NR2F2: variants seen among roughly 807,000 people sequenced by gnomAD.
NR2F2 encodes nuclear receptor subfamily 2 group F member 2, also known as COUP transcription factor 2.
In NR2F2, 2 loss-of-function variants were observed where a neutral mutation model predicts 34.8. That is an observed-to-expected ratio of 0.06 (90% confidence interval 0.02 to 0.18). NR2F2 has a LOEUF of 0.18. Ranked by LOEUF, NR2F2 falls within the 10% of genes least tolerant of loss-of-function variation. NR2F2 has a pLI of 1.00. For missense variants in NR2F2, 300 were observed against 580.1 expected, an observed-to-expected ratio of 0.52 and a Z score of 4.96; for synonymous variants, 274 against 251.8, an observed-to-expected ratio of 1.09 and a Z score of -0.84.
rs373488143 is a variant in NR2F2, at chr15:96,334,621, C to A, written c.970+18C>A. 317 of 1,569,428 alleles carry A rather than the reference C, an allele frequency of 2.0e-4. 1 individual carries two copies. Among genetic ancestry groups the A allele is most frequent in the Middle Eastern group, 6.9e-4 (4 of 5,838 alleles). ...CACCTCAGGTAGGAAGGAGCCCTGT[C>A]TTCTCGTGCCCACGGGCTCCTAGCC... On this transcript the variant is annotated intron_variant, in intron 2 of 2. Transcript: ENST00000394166.
rs1334487125 is a variant in NR2F2, at chr15:96,331,142, C to T, written c.-964C>T. ...CGGCGCTAGACGCAGCGGCTCCGGGCCCGACCCGGCGGCTTCGGCGGCGGC... is the reference window on the plus strand; with the variant it reads ...CGGCGCTAGACGCAGCGGCTCCGGGTCCGACCCGGCGGCTTCGGCGGCGGC... On this transcript the variant is annotated 5_prime_UTR_variant, in exon 1 of 3. Transcript: ENST00000394166. 1 of 1,080,996 alleles carries T rather than the reference C, an allele frequency of 9.3e-7. No homozygotes were observed. Among genetic ancestry groups the T allele is most frequent in the Non-Finnish European group, 1.1e-6 (1 of 885,756 alleles). 67.0% of individuals were successfully genotyped at this position (1,080,996 alleles called of 1,614,324 possible). A position where few individuals can be genotyped will look rare whatever the true frequency, so the allele number is the denominator to read the frequency against.
intron 2 of NR2F2, among the ~76,000 whole-genome samples, chr15:96,336,453 G>A (rs188811718): frequency 7.2e-5 from 11 of 152,204 alleles, no homozygotes; most frequent in Admixed American, 5.2e-4. Context: ...GGAGATTTTC[G>A]AATATCTGTT....
chr15:96,326,412 C>T (rs1898986673), upstream of NR2F2: 2 of 1,436,054 alleles, frequency 1.4e-6, no homozygotes, highest in Non-Finnish European at 2.0e-6. The surrounding 1 kb of genome is among the most constrained non-coding windows in gnomAD (Gnocchi z 5.5). Context: ...TCTGCTTGTG[C>T]TGTGTGGGGT....
At position 96,334,614 on chromosome 15, in the gene NR2F2, G is replaced by A. The variant is rs753513812; in HGVS notation, c.970+11G>A. On this transcript the variant is annotated intron_variant, in intron 2 of 2. Coordinates refer to ENST00000394166, the MANE Select transcript of NR2F2 (RefSeq NM_021005.4). ...TCCTGTTCACCTCAGGTAGGAAGGA[G>A]CCCTGTCTTCTCGTGCCCACGGGCT... is the stretch of plus-strand genomic sequence containing the variant. 48 of 1,577,118 alleles carry A rather than the reference G, an allele frequency of 3.0e-5. No individual in the cohort carries two copies. Among genetic ancestry groups the A allele is most frequent in the Non-Finnish European group, 3.7e-5 (43 of 1,158,196 alleles).
At chr15:96,337,224 G>C in intron 2 of NR2F2, 124 bp from the exon 3 acceptor site, 1 of 1,139,170 alleles carries the variant, frequency 8.8e-7, no homozygotes, top group African/African-American at 1.6e-5. Context: ...CAGTTTGACA[G>C]AGCTCTGTGC....
rs1286129184 is a variant in NR2F2, at chr15:96,334,471, A to T, written c.838A>T (p.Met280Leu). 1 of 1,613,944 alleles carries T rather than the reference A, an allele frequency of 6.2e-7. No homozygotes were observed. Among genetic ancestry groups the T allele is most frequent in the Non-Finnish European group, 8.5e-7 (1 of 1,179,994 alleles). The change falls in exon 2 of 3, where the codon ATG becomes TTG. Residue 280 changes from methionine to leucine, a missense_variant. Met to Leu is a conservative substitution (Grantham distance 15). This residue lies in a region of NR2F2 where 164 missense variants were observed against 365.3 expected (regional missense o/e 0.45). Coordinates refer to ENST00000394166, the MANE Select transcript of NR2F2 (RefSeq NM_021005.4). ...CGCCGCCGGCCTGCATGCTTCGCCC[A>T]TGTCCGCCGACCGGGTGGTCGCCTT... is the stretch of plus-strand genomic sequence containing the variant. ...LAAAGLHASP[M>L]SADRVVAFMD...
At chr15:96,337,091 T>G (rs1899349020) in intron 2 of NR2F2, among the ~76,000 whole-genome samples, 2 of 152,166 alleles carry the variant, frequency 1.3e-5, no homozygotes, top group South Asian at 2.1e-4. Flanking sequence ...TGTAGCACAC[T>G]GAGCTATGTT....
rs1209428075 is a variant in NR2F2 at position 96,339,633 on chromosome 15, G to GTT, written c.*2011_*2012insTT. On this transcript the variant is annotated 3_prime_UTR_variant, in exon 3 of 3. Coordinates refer to ENST00000394166, the MANE Select transcript of NR2F2 (RefSeq NM_021005.4). ...AAGCCAAATTAAGGAAGAGAAAGCA[G>GTT]GACAGAGAAAAAGAAAGAAGGAAGG... 9 of 152,228 alleles carry GTT rather than the reference G, an allele frequency of 5.9e-5. No homozygotes were observed. In the South Asian group the frequency reaches 1.9e-3, roughly 32 times the overall value. The allele number at this position is 152,228 out of a possible 1,614,324, so 9.4% of individuals were successfully genotyped here.
At chr15:96,333,923 G>A (rs1317739577) in intron 1 of NR2F2, 153 bp from the exon 2 acceptor site, 1 of 1,472,742 alleles carries the variant, frequency 6.8e-7, no homozygotes, top group African/African-American at 1.4e-5. Flanking sequence ...GGTGCCAAGA[G>A]CCTGGCGACT....
rs34678417 is a variant in NR2F2, at chr15:96,337,775, CA to C, written c.*168del. 68,569 of 201,548 alleles carry C rather than the reference CA, an allele frequency of 0.34. 3,925 individuals are homozygous for C. Among genetic ancestry groups the C allele is most frequent in the East Asian group, 0.5 (6,980 of 13,836 alleles). 12.5% of individuals were successfully genotyped at this position (201,548 alleles called of 1,614,324 possible). On this transcript the variant is annotated 3_prime_UTR_variant, in exon 3 of 3. Coordinates refer to ENST00000394166, the MANE Select transcript of NR2F2 (RefSeq NM_021005.4). ...GAAGAATTTAATGGACTGTGAATTT[CA>C]AAAAAAAAAAAAAAGACTGTCAAAT...
At chr15:96,333,203 G>T in intron 1 of NR2F2, 1 of 306,284 alleles carries the variant, frequency 3.3e-6, no homozygotes, top group Non-Finnish European at 5.2e-6. Context: ...TGCGCGAGTT[G>T]GGTCTTTGTG....
Position 96,337,520 on chromosome 15 carries a change from G to T in NR2F2, c.1143G>T (p.Leu381Phe). The T allele has an allele frequency of 6.2e-7, 1 of 1,614,014 alleles. No individual in the cohort carries two copies. The highest frequency in any genetic ancestry group is 8.5e-7 in the Non-Finnish European group (1 of 1,180,014). Residue 381 changes from leucine (L) to phenylalanine (F), a missense_variant, in exon 3 of 3, where the codon TTG becomes TTT. Physicochemically the swap from Leu to Phe is conservative, Grantham distance 22. Around this residue, in one of 6 missense-constraint regions of NR2F2, gnomAD observed 164 missense variants for 365.3 expected, o/e 0.45. Transcript: ENST00000394166. Reference sequence around the variant, plus strand: ...TCTCCTCCTCAGTCATAGAGCAATTGTTTTTCGTCCGTTTGGTAGGTAAAA... The same window carrying T: ...TCTCCTCCTCAGTCATAGAGCAATTTTTTTTCGTCCGTTTGGTAGGTAAAA... The part of the protein sequence containing the change: ...RTVSSSVIEQ[L>F]FFVRLVGKTP...
In NR2F2 at chr15:96,331,060, C is replaced by T; in HGVS notation, c.-1046C>T. 1 of 1,241,124 alleles carries T rather than the reference C, an allele frequency of 8.1e-7. No homozygotes were observed. The highest frequency in any genetic ancestry group is 1.0e-6 in the Non-Finnish European group (1 of 996,794). The allele number at this position is 1,241,124 out of a possible 1,614,324, so 76.9% of individuals were successfully genotyped here. A position where few individuals can be genotyped will look rare whatever the true frequency, so the allele number is the denominator to read the frequency against. On this transcript the variant is annotated 5_prime_UTR_variant, in exon 1 of 3. It introduces an in-frame stop codon into an upstream open reading frame of the 5' UTR. Coordinates refer to ENST00000394166, the MANE Select transcript of NR2F2 (RefSeq NM_021005.4). ...GTGTGTGAGGCGGCGGCGGCAGCAGCAGCAGCAGCGGCTCCGGCGGCGGCA... is the reference window on the plus strand; with the variant it reads ...GTGTGTGAGGCGGCGGCGGCAGCAGTAGCAGCAGCGGCTCCGGCGGCGGCA...
chr15:96,337,896 C>G lies in NR2F2; in HGVS notation c.*274C>G, dbSNP rs1899383866. ...ATTTTTGTATAAAAAGGAAATTAGT[C>G]TTTTTCTTTTTTTGGTAAATTTTTG... On this transcript the variant is annotated 3_prime_UTR_variant, in exon 3 of 3. Transcript: ENST00000394166. 3.4e-6 allele frequency: 1 copy of G among 293,940 alleles called. No individual in the cohort carries two copies. The highest frequency in any genetic ancestry group is 4.8e-5 in the Admixed American group (1 of 20,750). The allele number at this position is 293,940 out of a possible 1,614,324, so 18.2% of individuals were successfully genotyped here.
chr15:96,333,136 A>T (rs1214183293), intron 1 of NR2F2: 1 of 171,650 alleles, frequency 5.8e-6, no homozygotes, highest in Non-Finnish European at 1.4e-5. Flanking sequence ...AAACGAAGAG[A>T]GCGCGATAGG....
intron 1 of NR2F2, 152 bp from the exon 2 acceptor site, chr15:96,333,924 C>T (rs1899238404): frequency 6.8e-7 from 1 of 1,473,422 alleles, no homozygotes; most frequent in Non-Finnish European, 8.9e-7. Flanking sequence ...GTGCCAAGAG[C>T]CTGGCGACTC....
At position 96,331,795 on chromosome 15, in the gene NR2F2, C is replaced by A. The variant is rs1167531754; in HGVS notation, c.-311C>A. 8.3e-6 allele frequency: 10 copies of A among 1,201,132 alleles called. No homozygotes were observed. Among genetic ancestry groups the A allele is most frequent in the Admixed American group, 4.4e-5 (1 of 22,718 alleles). 74.4% of individuals were successfully genotyped at this position (1,201,132 alleles called of 1,614,324 possible). A position where few individuals can be genotyped will look rare whatever the true frequency, so the allele number is the denominator to read the frequency against. On this transcript the variant is annotated 5_prime_UTR_variant, in exon 1 of 3. Coordinates refer to ENST00000394166, the MANE Select transcript of NR2F2 (RefSeq NM_021005.4). ...GTTCTGCTCCCACTCGCTCTCCTGT[C>A]CCCTTCCCCTCCCCTCCCGGCGGAA...
Position 96,331,246 on chromosome 15 carries a change from C to G in NR2F2, c.-860C>G. ...CCCAGCGACTGCGGGCGGCGGCGGC[C>G]GGAGAGAGCGAGGCGCGCGCCGGAC... On this transcript the variant is annotated 5_prime_UTR_variant, in exon 1 of 3. Coordinates refer to ENST00000394166, the MANE Select transcript of NR2F2 (RefSeq NM_021005.4). The G allele has an allele frequency of 1.0e-6, 1 of 987,032 alleles. No homozygotes were observed. Among genetic ancestry groups the G allele is most frequent in the Non-Finnish European group, 1.2e-6 (1 of 832,420 alleles). The allele number at this position is 987,032 out of a possible 1,614,324, so 61.1% of individuals were successfully genotyped here.
At chr15:96,337,287 C>A in intron 2 of NR2F2, 61 bp from the exon 3 acceptor site, 1 of 1,484,390 alleles carries the variant, frequency 6.7e-7, no homozygotes. Flanking sequence ...CTGAATTCTT[C>A]TTCTTCTTCT....
Sources: allele counts gnomAD v4.1 joint callset (sites outside exome capture counted in the v4.1 genomes callset), GRCh38; gene constraint gnomAD v4.1.1; regional missense constraint gnomAD v4.1.1; non-coding constraint Gnocchi (gnomAD v3.1); transcripts MANE v1.5; gene names NCBI Gene and HGNC (gene_info 2026-07-23, HGNC 2026-07-21).